Variants in ABL1 observed in about 807,000 individuals in gnomAD.
The protein encoded by ABL1 is ABL proto-oncogene 1, non-receptor tyrosine kinase.
In ABL1, 11 loss-of-function variants were observed where a neutral mutation model predicts 94.7. That is an observed-to-expected ratio of 0.12 (90% CI 0.07 to 0.19). The LOEUF (loss-of-function observed/expected upper bound fraction) is 0.19. Among genes scored for constraint, ABL1 ranks in the 10% least tolerant of loss-of-function variants. ABL1 has a pLI of 1.00. For missense variants in ABL1, 1,082 were observed against 1,489.4 expected, an observed-to-expected ratio of 0.73 and a Z score of 4.50; for synonymous variants, 656 against 622.4, an observed-to-expected ratio of 1.05 and a Z score of -0.80.
At chr9:130,846,058 G>T (rs1437325860) in intron 1 of ABL1, among the ~76,000 whole-genome samples, 1 of 151,012 alleles carries the variant, frequency 6.6e-6, no homozygotes, top group African/African-American at 2.4e-5. Context: ...TAACACAAAG[G>T]CTGTGTTCAG....
chr9:130,755,928 C>T (rs1157111633), intron 1 of ABL1, among the ~76,000 whole-genome samples: 1 of 152,162 alleles, frequency 6.6e-6, no homozygotes, highest in Non-Finnish European at 1.5e-5. Context: ...CTTCCGTGTG[C>T]AGCAGCAGCA....
rs139471435 is a variant in ABL1 at position 130,727,763 on chromosome 9, C to A, written c.136+13308C>A. ...AGAGTGAGACACCGCCCCCCCCCCC[C>A]AAAAAAAAGCATTTATTAGGAAACA... is the stretch of plus-strand genomic sequence containing the variant. On this transcript the variant is annotated intron_variant, in intron 1 of 10. Transcript: ENST00000372348. 5.3e-3 allele frequency among the ~76,000 whole-genome samples: 601 copies of A among 114,386 alleles called. 29 individuals are homozygous for A. The highest frequency in any genetic ancestry group is 0.019 in the Middle Eastern group (4 of 206). 75.0% of individuals were successfully genotyped at this position (114,386 alleles called of 152,430 possible).
rs1353034601 is a variant in ABL1, at chr9:130,868,149, A to G, written c.823-3980A>G. Among the ~76,000 whole-genome samples, 8 of 152,066 alleles carry G rather than the reference A, an allele frequency of 5.3e-5. No homozygotes were observed. In the East Asian group the frequency reaches 1.4e-3, roughly 26 times the overall value. ...AATTTTTTGTATTTTTAGTAGAGAC[A>G]GGGTTTCACCATGTTAGCCAGGATG... On this transcript the variant is annotated intron_variant, in intron 4 of 10. Coordinates refer to ENST00000318560, the MANE Select transcript of ABL1 (RefSeq NM_005157.6).
intron 1 of ABL1, among the ~76,000 whole-genome samples, chr9:130,771,584 G>A (rs1832251363): frequency 6.6e-6 from 1 of 151,930 alleles, no homozygotes; most frequent in Admixed American, 6.6e-5. Flanking sequence ...ACATCTGTAA[G>A]GAAAGTATCA....
intron 1 of ABL1, among the ~76,000 whole-genome samples, chr9:130,729,528 C>T (rs1451752092): frequency 6.6e-6 from 1 of 152,138 alleles, no homozygotes; most frequent in Non-Finnish European, 1.5e-5. Context: ...GGAAGGTGCC[C>T]CAGGCAGGAA....
At chr9:130,781,245 A>AT (rs1197202774) in intron 1 of ABL1, among the ~76,000 whole-genome samples, 2 of 152,210 alleles carry the variant, frequency 1.3e-5, no homozygotes, top group African/African-American at 2.4e-5. Context: ...ATGTAGAATG[A>AT]TTTTTTTCTT....
intron 4 of ABL1, among the ~76,000 whole-genome samples, chr9:130,871,910 G>C (rs1396511281): frequency 6.6e-6 from 1 of 152,244 alleles, no homozygotes; most frequent in Non-Finnish European, 1.5e-5. Context: ...CTGTTGCCTG[G>C]GGGAGAATTG....
chr9:130,714,476 C>T lies in ABL1; in HGVS notation c.136+21C>T, dbSNP rs773210905. 1.9e-6 allele frequency: 3 copies of T among 1,614,192 alleles called. No homozygotes were observed. The Admixed American group carries it at 5.0e-5, about 27-fold the overall frequency. The stretch of plus-strand genomic sequence containing the variant: ...ACATGGTGAGTGCTTTTCAAAATTT[C>T]TGCTCATGGTTTTCCTCATGCATTC... On this transcript the variant is annotated intron_variant, in intron 1 of 10. Transcript: ENST00000372348.
chr9:130,827,206 G>A (rs1235704092), intron 1 of ABL1, among the ~76,000 whole-genome samples: 1 of 152,230 alleles, frequency 6.6e-6, no homozygotes, highest in Admixed American at 6.5e-5. Context: ...TTAAAAGTCT[G>A]CATACTGAAT....
chr9:130,740,277 C>T (rs1174287216), intron 1 of ABL1, among the ~76,000 whole-genome samples: 1 of 152,194 alleles, frequency 6.6e-6, no homozygotes, highest in Non-Finnish European at 1.5e-5. Flanking sequence ...CTCAGAAGGT[C>T]AGAGCACTGA....
chr9:130,811,168 A>AT (rs1353225000), intron 1 of ABL1, among the ~76,000 whole-genome samples: 1 of 152,210 alleles, frequency 6.6e-6, no homozygotes, highest in African/African-American at 2.4e-5. Flanking sequence ...AAAGGATGTA[A>AT]TTAAAGCAGA....
chr9:130,726,729 C>T (rs1363690666), intron 1 of ABL1, among the ~76,000 whole-genome samples: 1 of 152,152 alleles, frequency 6.6e-6, no homozygotes, highest in Non-Finnish European at 1.5e-5. Context: ...CTGCCTTGGC[C>T]TCCTGAAGTG....
chr9:130,875,173 ACT>A (rs1359073771), intron 7 of ABL1, 121 bp downstream of exon 7: 2 of 1,124,766 alleles, frequency 1.8e-6, no homozygotes, highest in African/African-American at 3.2e-5. Flanking sequence ...ACGGAGTCTC[ACT>A]CTGTCACCCA....
At chr9:130,727,170 G>A (rs1393488967) in intron 1 of ABL1, among the ~76,000 whole-genome samples, 4 of 150,566 alleles carry the variant, frequency 2.7e-5, no homozygotes, top group Non-Finnish European at 4.4e-5. Flanking sequence ...TCATGCTTTT[G>A]TTTAAACATC....
intron 1 of ABL1, among the ~76,000 whole-genome samples, chr9:130,781,769 C>T (rs1469650309): frequency 2.0e-5 from 3 of 152,078 alleles, no homozygotes; most frequent in African/African-American, 7.2e-5. Context: ...CTCCCCTTAA[C>T]CATCTAAATC....
intron 1 of ABL1, among the ~76,000 whole-genome samples, chr9:130,779,003 T>A (rs1182885528): frequency 6.6e-6 from 1 of 152,244 alleles, no homozygotes; most frequent in Admixed American, 6.5e-5. Context: ...AAAACATTTG[T>A]GGCAAATAGG....
chr9:130,790,359 C>T (rs1328876318), intron 1 of ABL1, among the ~76,000 whole-genome samples: 1 of 152,232 alleles, frequency 6.6e-6, no homozygotes, highest in East Asian at 1.9e-4. Context: ...GTACATACTT[C>T]AGCCTGCATA....
chr9:130,730,046 CTTTT>C (rs138446676), intron 1 of ABL1, among the ~76,000 whole-genome samples: 3 of 107,168 alleles, frequency 2.8e-5, no homozygotes, highest in Non-Finnish European at 5.6e-5. Context: ...CCCAGCCAGA[CTTTT>C]TTTTTTTTTT....
At chr9:130,810,705 A>T (rs370693541) in intron 1 of ABL1, among the ~76,000 whole-genome samples, 353 of 152,064 alleles carry the variant, frequency 2.3e-3, no homozygotes, top group African/African-American at 8.2e-3. Context: ...GTGGAATTGG[A>T]GTCCCTGAAG....
Sources: allele counts gnomAD v4.1 joint callset (sites outside exome capture counted in the v4.1 genomes callset), GRCh38; gene constraint gnomAD v4.1.1; transcripts MANE v1.5; gene names NCBI Gene and HGNC (gene_info 2026-07-23, HGNC 2026-07-21).